SUN5: variants seen among roughly 807,000 people sequenced by gnomAD.
The protein encoded by SUN5 is Sad1 and UNC84 domain containing 5, also known as SUN domain-containing protein 5.
In SUN5, 44 loss-of-function variants were observed where a neutral mutation model predicts 53.7. The ratio of observed to expected loss-of-function variants is 0.82; its 90% CI spans 0.64 to 1.05. SUN5 has a LOEUF of 1.05. Ranked by LOEUF, SUN5 falls within the 50% of genes least tolerant of loss-of-function variation. SUN5 has a pLI of 0.00. For missense variants in SUN5, 433 were observed against 483.8 expected (o/e 0.90, Z 0.98); for synonymous variants, 166 against 179.8 (o/e 0.92, Z 0.62).
chr20:32,996,194 C>A (rs1195530485), intron 7 of SUN5, 130 bp downstream of exon 7: 6 of 849,024 alleles, frequency 7.1e-6, no homozygotes, highest in Non-Finnish European at 9.2e-6. Flanking sequence ...ATGTAGAAGG[C>A]ATGGGAGTTA....
chr20:32,996,434 T>C, intron 6 of SUN5, 76 bp from the exon 7 acceptor site: 1 of 1,348,366 alleles, frequency 7.4e-7, no homozygotes, highest in South Asian at 1.3e-5. Flanking sequence ...CATCCATCTA[T>C]TCTCCCACAA....
At chr20:32,998,990 G>A (rs1172598513) in intron 5 of SUN5, among the ~76,000 whole-genome samples, 2 of 152,102 alleles carry the variant, frequency 1.3e-5, no homozygotes, top group African/African-American at 2.4e-5. Context: ...AGCTATGATT[G>A]CACCACTGCA....
intron 8 of SUN5, among the ~76,000 whole-genome samples, chr20:32,990,282 G>A (rs769840388): frequency 3.9e-5 from 6 of 152,192 alleles, no homozygotes; most frequent in Non-Finnish European, 7.3e-5. Flanking sequence ...CAGAGTTCAG[G>A]CCCTTAACCG....
chr20:33,001,356 G>A (rs1262468730), intron 3 of SUN5, 78 bp from the exon 4 acceptor site: 3 of 1,511,934 alleles, frequency 2.0e-6, no homozygotes, highest in South Asian at 1.2e-5. Flanking sequence ...GACCTTTCTG[G>A]GGCTGGGGGA....
intron 5 of SUN5, among the ~76,000 whole-genome samples, chr20:32,999,355 GAGGCCA>G (rs1341235672): frequency 6.6e-6 from 1 of 152,198 alleles, no homozygotes; most frequent in Non-Finnish European, 1.5e-5. Flanking sequence ...AGCACTTTGG[GAGGCCA>G]AGGTGGGTGG....
At chr20:32,988,691 C>T (rs945447152) in intron 9 of SUN5, among the ~76,000 whole-genome samples, 27 of 151,750 alleles carry the variant, frequency 1.8e-4, no homozygotes, top group East Asian at 5.8e-4. Context: ...CAGGTTCAAA[C>T]GATTCTCCTG....
At chr20:32,988,094 G>A (rs1206435929) in intron 9 of SUN5, among the ~76,000 whole-genome samples, 1 of 152,068 alleles carries the variant, frequency 6.6e-6, no homozygotes, top group Non-Finnish European at 1.5e-5. Context: ...GCAGAGCCAT[G>A]GTGGTGGCAA....
At chr20:32,991,408 ATCT>A (rs1313350874) in intron 8 of SUN5, among the ~76,000 whole-genome samples, 6 of 152,230 alleles carry the variant, frequency 3.9e-5, no homozygotes, top group Non-Finnish European at 7.3e-5. Flanking sequence ...CTTACAACTC[ATCT>A]TCTAGATGAA....
Position 32,989,620 on chromosome 20 carries a change from CTATAGA to C in SUN5, c.607_612del (p.Ser203_Ile204del). On this transcript the variant is annotated inframe_deletion and splice_region_variant, in exon 9 of 13. Transcript: ENST00000356173. ...GATGGTGGGGAAGGGGGTCACCTAC[CTATAGA>C]CTTCAGGGCAAAGTCTGGCTTTTCG... 1 of 1,613,850 alleles carries C rather than the reference CTATAGA, an allele frequency of 6.2e-7. No homozygotes were observed. Among genetic ancestry groups the C allele is most frequent in the Non-Finnish European group, 8.5e-7 (1 of 1,179,880 alleles).
At chr20:32,987,576 C>A in intron 10 of SUN5, 84 bp downstream of exon 10, 1 of 1,156,444 alleles carries the variant, frequency 8.6e-7, no homozygotes, top group Non-Finnish European at 1.2e-6. Context: ...GCTCCCACCC[C>A]CTACCTCTTC....
intron 4 of SUN5, 35 bp downstream of exon 4, chr20:33,001,177 T>G (rs1166417262): frequency 1.3e-6 from 2 of 1,555,790 alleles, no homozygotes. Flanking sequence ...CATTTCCCAC[T>G]CCCCATCCAC....
chr20:32,988,129 G>A (rs1421974694), intron 9 of SUN5, among the ~76,000 whole-genome samples: 1 of 152,120 alleles, frequency 6.6e-6, no homozygotes, highest in African/African-American at 2.4e-5. Flanking sequence ...TAGGGCTGCT[G>A]TGGCGCTGAG....
chr20:33,001,416 G>A, intron 3 of SUN5, 138 bp from the exon 4 acceptor site: 2 of 922,454 alleles, frequency 2.2e-6, no homozygotes, highest in Non-Finnish European at 3.3e-6. Context: ...GCCTGGGACA[G>A]AACCAGGCTC....
rs116391310 is a variant in SUN5, at chr20:33,003,072, G to A, written c.78-153C>T. Among the ~76,000 whole-genome samples the A allele has an allele frequency of 3.5e-3, 536 of 152,308 alleles. 3 individuals are homozygous for A. The highest frequency in any genetic ancestry group is 0.012 in the African/African-American group (502 of 41,558). On this transcript the variant is annotated intron_variant, in intron 1 of 12. Coordinates refer to ENST00000356173, the MANE Select transcript of SUN5 (RefSeq NM_080675.4). Reference sequence around the variant, plus strand: ...TGATTCAGGGACAGACCCAGGTCTGGCTGACCCCAAATCCAGGTATCCATC... The same window carrying A: ...TGATTCAGGGACAGACCCAGGTCTGACTGACCCCAAATCCAGGTATCCATC...
At chr20:32,994,773 C>T (rs556377933) in intron 8 of SUN5, among the ~76,000 whole-genome samples, 1 of 140,238 alleles carries the variant, frequency 7.1e-6, no homozygotes, top group Non-Finnish European at 1.6e-5. Context: ...GTAATGTGCA[C>T]CTGCAATCCC....
Position 32,985,158 on chromosome 20 carries a change from C to G in SUN5, c.925G>C (p.Val309Leu), listed in dbSNP as rs1369585664. 1 of 1,614,036 alleles carries G rather than the reference C, an allele frequency of 6.2e-7. No homozygotes were observed. The highest frequency in any genetic ancestry group is 1.3e-5 in the African/African-American group (1 of 75,022). ...YGMEGSPKEE[V>L]FLGAFQFQPE... ...TGAAACTGAAATGCCCCCAGGAACACCTCCTCCTTGGGGGAGCCCTCCATG... is the reference window on the plus strand; with the variant it reads ...TGAAACTGAAATGCCCCCAGGAACAGCTCCTCCTTGGGGGAGCCCTCCATG... The change falls in exon 12 of 13, where the codon GTG (valine) becomes CTG (leucine). Residue 309 changes from valine (V) to leucine (L), a missense_variant. By Grantham distance (32) the Val-to-Leu change is conservative (BLOSUM62 1). Transcript: ENST00000356173.
At position 32,996,378 on chromosome 20, in the gene SUN5, G is replaced by A. The variant is rs754551315; in HGVS notation, c.391-20C>T. The A allele has an allele frequency of 5.6e-6, 9 of 1,610,392 alleles. No homozygotes were observed. The highest frequency in any genetic ancestry group is 6.8e-6 in the Non-Finnish European group (8 of 1,177,524). Reference sequence around the variant, plus strand: ...GTCATCCTGGTGGAGTATTGAGAAAGTAAGGGGTCTCCTTCAGATGGCTTA... The same window carrying A: ...GTCATCCTGGTGGAGTATTGAGAAAATAAGGGGTCTCCTTCAGATGGCTTA... On this transcript the variant is annotated intron_variant, in intron 6 of 12. Transcript: ENST00000356173.
At chr20:32,986,892 G>T (rs1175633876) in intron 10 of SUN5, among the ~76,000 whole-genome samples, 1 of 152,200 alleles carries the variant, frequency 6.6e-6, no homozygotes, top group Non-Finnish European at 1.5e-5. Flanking sequence ...TCTGCCTGCG[G>T]ATCTGCTAGT....
Position 33,002,657 on chromosome 20 carries a change from G to T in SUN5, c.141C>A (p.Asp47Glu), listed in dbSNP as rs375807222. 6.2e-7 allele frequency: 1 copy of T among 1,614,132 alleles called. No individual in the cohort carries two copies. The highest frequency in any genetic ancestry group is 1.7e-5 in the Admixed American group (1 of 60,014). Reference sequence around the variant, plus strand: ...TGTTGCGGACAGGCAACAGGATGTTGTCATCTGCAGAGAGCACAGGACTGT... The same window carrying T: ...TGTTGCGGACAGGCAACAGGATGTTTTCATCTGCAGAGAGCACAGGACTGT... ...MAEDTSPNMN[D>E]NILLPVRNND... Residue 47 changes from aspartate (D) to glutamate (E), a missense_variant, in exon 3 of 13, where the codon GAC becomes GAA. By Grantham distance (45) the Asp-to-Glu change is conservative (BLOSUM62 2). Transcript: ENST00000356173.
Sources: allele counts gnomAD v4.1 joint callset (sites outside exome capture counted in the v4.1 genomes callset), GRCh38; gene constraint gnomAD v4.1.1; transcripts MANE v1.5; gene names NCBI Gene and HGNC (gene_info 2026-07-23, HGNC 2026-07-21).